Variants in CTNNA1 observed in about 807,000 individuals in gnomAD.
CTNNA1 encodes the protein catenin alpha 1.
CTNNA1 carries 37 observed loss-of-function variants against 98.4 expected under a neutral mutation model. The ratio of observed to expected loss-of-function variants is 0.38; its 90% confidence interval spans 0.29 to 0.49. The LOEUF (loss-of-function observed/expected upper bound fraction) is 0.49, where lower values mean the gene tolerates loss of function less well. CTNNA1 is among the 20% of genes least tolerant of loss of function. The probability of loss-of-function intolerance (pLI) is 0.95; values close to 1 mark genes in which losing one functional copy is unlikely to be tolerated. For missense variants in CTNNA1, 761 were observed against 1,147.2 expected, an observed-to-expected ratio of 0.66 and a Z score of 4.86; for synonymous variants, 404 against 413.2, an observed-to-expected ratio of 0.98 and a Z score of 0.27.
intron 3 of CTNNA1, among the ~76,000 whole-genome samples, chr5:138,802,757 C>A (rs1237663631): frequency 2.0e-5 from 3 of 152,192 alleles, no homozygotes; most frequent in African/African-American, 7.2e-5. Flanking sequence ...TTTTTGACTT[C>A]TGAGTTTATG....
At chr5:138,902,006 C>T (rs1561693687) in intron 9 of CTNNA1, among the ~76,000 whole-genome samples, 1 of 152,214 alleles carries the variant, frequency 6.6e-6, no homozygotes, top group African/African-American at 2.4e-5. Flanking sequence ...CCTTCCTCCT[C>T]CCAGGCCTCC....
At chr5:138,889,433 C>T (rs1375808028) in intron 9 of CTNNA1, among the ~76,000 whole-genome samples, 5 of 152,100 alleles carry the variant, frequency 3.3e-5, no homozygotes, top group Non-Finnish European at 7.4e-5. Context: ...AAGTAAGTTG[C>T]CTAAGTTCAC....
At chr5:138,888,846 C>T (rs972496610) in intron 9 of CTNNA1, among the ~76,000 whole-genome samples, 1 of 152,024 alleles carries the variant, frequency 6.6e-6, no homozygotes, top group Non-Finnish European at 1.5e-5. Context: ...GGCTAGGCCA[C>T]GTTAATACCA....
chr5:138,876,857 T>A (rs1298412794), intron 7 of CTNNA1, among the ~76,000 whole-genome samples: 1 of 152,128 alleles, frequency 6.6e-6, no homozygotes, highest in African/African-American at 2.4e-5. Flanking sequence ...TGCAGGTGTG[T>A]GGTTTGAGTC....
intron 1 of CTNNA1, among the ~76,000 whole-genome samples, chr5:138,778,237 A>G (rs1423725794): frequency 2.6e-5 from 4 of 151,792 alleles, no homozygotes; most frequent in South Asian, 2.1e-4. Context: ...CTCGTGATCC[A>G]CCCGCCTTGG....
Position 138,827,537 on chromosome 5 carries a change from T to C in CTNNA1, c.881T>C (p.Leu294Ser), listed in dbSNP as rs1315620177. 6.2e-7 allele frequency: 1 copy of C among 1,613,760 alleles called. No individual in the cohort carries two copies. The highest frequency in any genetic ancestry group is 8.5e-7 in the Non-Finnish European group (1 of 1,179,608). The change falls in exon 7 of 18, where the codon TTG becomes TCG. Residue 294 changes from leucine to serine, a missense_variant. By Grantham distance (145) the Leu-to-Ser change is moderately radical. Around this residue, in one of 6 missense-constraint regions of CTNNA1, gnomAD observed 328 missense variants for 354.3 expected, o/e 0.93. Coordinates refer to ENST00000302763, the MANE Select transcript of CTNNA1 (RefSeq NM_001903.5). ...NFDKQIIVDP[L>S]SFSEERFRPS... ...CAGAAACAAATCATTGTGGACCCCT[T>C]GAGCTTCAGCGAGGAGCGCTTTAGG... is the stretch of plus-strand genomic sequence containing the variant.
At chr5:138,758,236 C>T (rs1316613046) in intron 1 of CTNNA1, among the ~76,000 whole-genome samples, 1 of 151,520 alleles carries the variant, frequency 6.6e-6, no homozygotes, top group East Asian at 1.9e-4. Context: ...GAGTCTTGCT[C>T]TGTCACCCAG....
At chr5:138,775,583 GCTA>G (rs1456682853) in intron 1 of CTNNA1, among the ~76,000 whole-genome samples, 1 of 151,928 alleles carries the variant, frequency 6.6e-6, no homozygotes, top group Non-Finnish European at 1.5e-5. Flanking sequence ...TTGATACAAT[GCTA>G]CTGTTTAATT....
rs769846315 is a variant in CTNNA1 at position 138,874,924 on chromosome 5, A to G, written c.1063-11288A>G. ...CAGACTTACCCATTCTTCTGAGCAC[A>G]TTGGAGGCTGCATTCAGTCGCGGTT... On this transcript the variant is annotated intron_variant, in intron 7 of 17. Coordinates refer to ENST00000302763, the MANE Select transcript of CTNNA1 (RefSeq NM_001903.5). This position sits in a 1 kb window ranked among gnomAD's most constrained non-coding sequence, Gnocchi z 4.1. The G allele has an allele frequency of 1.2e-6, 2 of 1,613,698 alleles. No homozygotes were observed. Among genetic ancestry groups the G allele is most frequent in the Non-Finnish European group, 1.7e-6 (2 of 1,179,754 alleles).
At chr5:138,829,002 G>T (rs1371020824) in intron 7 of CTNNA1, among the ~76,000 whole-genome samples, 3 of 152,210 alleles carry the variant, frequency 2.0e-5, no homozygotes, top group Admixed American at 6.5e-5. Flanking sequence ...CGCACGCCTG[G>T]TCTCAGCTAC....
At chr5:138,785,840 C>T (rs1005117189) in intron 3 of CTNNA1, among the ~76,000 whole-genome samples, 5 of 152,140 alleles carry the variant, frequency 3.3e-5, no homozygotes, top group Non-Finnish European at 4.4e-5. Flanking sequence ...GTGATCTGCT[C>T]GCCTTGGCCT....
rs75097156 is a variant in CTNNA1, at chr5:138,820,939, G to T, written c.589-3591G>T. 1.8e-3 allele frequency among the ~76,000 whole-genome samples: 277 copies of T among 152,310 alleles called. 1 individual carries two copies. Among genetic ancestry groups the T allele is most frequent in the Non-Finnish European group, 2.7e-3 (186 of 68,026 alleles). On this transcript the variant is annotated intron_variant, in intron 5 of 17. Transcript: ENST00000302763. ...CTAACAAATGGTGGAGCCAGGATTT[G>T]AACCTAGGTTGTTTGGCACCAGAGG...
chr5:138,834,171 T>G (rs1761551837), intron 7 of CTNNA1, among the ~76,000 whole-genome samples: 1 of 152,190 alleles, frequency 6.6e-6, no homozygotes, highest in Admixed American at 6.5e-5. Flanking sequence ...TAGCCAGAGC[T>G]TTTGAAGGAC....
At chr5:138,826,461 C>T (rs971165392) in intron 6 of CTNNA1, among the ~76,000 whole-genome samples, 1 of 152,150 alleles carries the variant, frequency 6.6e-6, no homozygotes, top group African/African-American at 2.4e-5. Flanking sequence ...CACCTTGTAC[C>T]TATAGCTTAC....
At chr5:138,924,967 C>T (rs566273919) in intron 12 of CTNNA1, among the ~76,000 whole-genome samples, 2 of 152,314 alleles carry the variant, frequency 1.3e-5, no homozygotes, top group African/African-American at 2.4e-5. Context: ...GTTAAATCTC[C>T]TATTAGTGAG....
intron 3 of CTNNA1, among the ~76,000 whole-genome samples, chr5:138,786,053 A>G (rs1485287881): frequency 6.6e-6 from 1 of 152,106 alleles, no homozygotes; most frequent in African/African-American, 2.4e-5. Context: ...TGCATATCTG[A>G]ATTGCTTTTG....
intron 1 of CTNNA1, among the ~76,000 whole-genome samples, chr5:138,769,848 T>G (rs1753344814): frequency 1.3e-5 from 2 of 150,414 alleles, no homozygotes; most frequent in Admixed American, 6.6e-5. Context: ...TTTTATTTAT[T>G]ATTTATTTAT....
At chr5:138,854,339 T>G (rs1763525329) in intron 7 of CTNNA1, among the ~76,000 whole-genome samples, 1 of 152,202 alleles carries the variant, frequency 6.6e-6, no homozygotes, top group Non-Finnish European at 1.5e-5. Context: ...AAAAAAATCT[T>G]TGACAAGAAA....
At chr5:138,771,564 G>A (rs1323172475) in intron 1 of CTNNA1, among the ~76,000 whole-genome samples, 1 of 151,778 alleles carries the variant, frequency 6.6e-6, no homozygotes, top group African/African-American at 2.4e-5. Context: ...TTTAAAAGTT[G>A]TTTTTGTAGA....
Sources: allele counts gnomAD v4.1 joint callset (sites outside exome capture counted in the v4.1 genomes callset), GRCh38; gene constraint gnomAD v4.1.1; regional missense constraint gnomAD v4.1.1; non-coding constraint Gnocchi (gnomAD v3.1); transcripts MANE v1.5; gene names NCBI Gene and HGNC (gene_info 2026-07-23, HGNC 2026-07-21).